Variants in AGMO observed in about 807,000 individuals in gnomAD.
The protein encoded by AGMO is glyceryl-ether monooxygenase.
In AGMO, 75 loss-of-function variants were observed where a neutral mutation model predicts 60.2. The observed-to-expected ratio is 1.25, with a 90% CI of 1.03 to 1.51. The LOEUF is 1.51. Ranked by LOEUF, AGMO falls within the 40% of genes most tolerant of loss-of-function variation. AGMO has a pLI of 0.00. For missense variants in AGMO, 763 were observed against 525.5 expected, an observed-to-expected ratio of 1.45 and a Z score of -4.42; for synonymous variants, 261 against 177.1, an observed-to-expected ratio of 1.47 and a Z score of -3.76.
the AGMO span, among the ~76,000 whole-genome samples, chr7:15,172,505 T>A: frequency 9.9e-5 from 15 of 152,276 alleles, no homozygotes; most frequent in African/African-American, 3.6e-4. Flanking sequence ...GACTAAAGCA[T>A]CAACACTTAA....
At chr7:15,209,641 T>G (rs1033832229) in intron 12 of AGMO, among the ~76,000 whole-genome samples, 1 of 152,154 alleles carries the variant, frequency 6.6e-6, no homozygotes, top group African/African-American at 2.4e-5. Context: ...GAGATGGGAC[T>G]GCACAAATGG....
chr7:15,439,822 T>C (rs2128501492), intron 3 of AGMO, among the ~76,000 whole-genome samples: 1 of 152,276 alleles, frequency 6.6e-6, no homozygotes, highest in African/African-American at 2.4e-5. Flanking sequence ...GTGTGAAACA[T>C]GCCAGATCAA....
intron 12 of AGMO, among the ~76,000 whole-genome samples, chr7:15,273,531 A>G (rs973276540): frequency 6.6e-6 from 1 of 152,096 alleles, no homozygotes; most frequent in African/African-American, 2.4e-5. Context: ...GTAGCCTTGT[A>G]GTATAGTTTG....
At chr7:15,511,740 G>A (rs1783679012) in intron 3 of AGMO, among the ~76,000 whole-genome samples, 1 of 152,160 alleles carries the variant, frequency 6.6e-6, no homozygotes, top group South Asian at 2.1e-4. Context: ...CATGGAACAT[G>A]TTGAATATAT....
chr7:15,480,823 A>T (rs989935186), intron 3 of AGMO, among the ~76,000 whole-genome samples: 1 of 152,098 alleles, frequency 6.6e-6, no homozygotes, highest in South Asian at 2.1e-4. Context: ...GCCTAGTCAA[A>T]CACCACCTAA....
intron 12 of AGMO, among the ~76,000 whole-genome samples, chr7:15,326,885 GAAAAGA>G (rs1781353539): frequency 6.6e-6 from 1 of 152,102 alleles, no homozygotes; most frequent in African/African-American, 2.4e-5. Context: ...AATTATCTTG[GAAAAGA>G]TTACCAAACT....
At chr7:15,430,714 C>A (rs1449665976) in intron 4 of AGMO, among the ~76,000 whole-genome samples, 1 of 150,640 alleles carries the variant, frequency 6.6e-6, no homozygotes, top group South Asian at 2.1e-4. Context: ...CTATACATCA[C>A]CCTCCTGGGT....
chr7:15,151,291 TC>T, the AGMO span, among the ~76,000 whole-genome samples: 1 of 152,118 alleles, frequency 6.6e-6, no homozygotes, highest in Non-Finnish European at 1.5e-5. Flanking sequence ...GTTTCAGTGA[TC>T]TTTTGTATGG....
intron 12 of AGMO, among the ~76,000 whole-genome samples, chr7:15,363,481 G>T (rs918444399): frequency 1.3e-5 from 2 of 152,116 alleles, no homozygotes; most frequent in African/African-American, 4.8e-5. Context: ...GACGAGCAAA[G>T]CAAGACCAAG....
At chr7:15,156,215 T>C in the AGMO span, among the ~76,000 whole-genome samples, 2 of 152,274 alleles carry the variant, frequency 1.3e-5, no homozygotes, top group African/African-American at 4.8e-5. Context: ...TTGGTGAGTA[T>C]GCACTGGCAG....
chr7:15,357,376 T>G (rs946267144), intron 12 of AGMO, among the ~76,000 whole-genome samples: 14 of 152,172 alleles, frequency 9.2e-5, no homozygotes, highest in Non-Finnish European at 1.8e-4. Context: ...AAACATTCTG[T>G]GATGACAATA....
At chr7:15,441,372 A>C (rs1444204255) in intron 3 of AGMO, among the ~76,000 whole-genome samples, 1 of 152,362 alleles carries the variant, frequency 6.6e-6, no homozygotes. Flanking sequence ...TACTTAATGA[A>C]ATCGAATTCT....
chr7:15,238,639 G>A (rs902716137), intron 12 of AGMO, among the ~76,000 whole-genome samples: 1 of 151,170 alleles, frequency 6.6e-6, no homozygotes, highest in Admixed American at 6.6e-5. Flanking sequence ...AAACACAAAG[G>A]CAAAAAGGAT....
At chr7:15,415,780 C>T (rs10479951) in intron 5 of AGMO, among the ~76,000 whole-genome samples, 10 of 151,988 alleles carry the variant, frequency 6.6e-5, no homozygotes, top group African/African-American at 2.4e-4. Flanking sequence ...TACTTAAAAC[C>T]TTCCACAGTT....
chr7:15,247,622 T>G (rs1782787541), intron 12 of AGMO, among the ~76,000 whole-genome samples: 1 of 152,102 alleles, frequency 6.6e-6, no homozygotes. Context: ...CCATTTCAAT[T>G]GCAATATGCT....
At chr7:15,164,206 G>A in the AGMO span, among the ~76,000 whole-genome samples, 1 of 151,874 alleles carries the variant, frequency 6.6e-6, no homozygotes, top group Non-Finnish European at 1.5e-5. Context: ...TGCAGAATGA[G>A]CTTGACCCCT....
At chr7:15,273,624 T>C (rs112589196) in intron 12 of AGMO, among the ~76,000 whole-genome samples, 189 of 152,288 alleles carry the variant, frequency 1.2e-3, no homozygotes, top group African/African-American at 3.9e-3. Flanking sequence ...TAGTTCCATA[T>C]GAACTTTAAA....
At chr7:15,240,563 A>T (rs991655462) in intron 12 of AGMO, among the ~76,000 whole-genome samples, 2 of 152,224 alleles carry the variant, frequency 1.3e-5, no homozygotes, top group Non-Finnish European at 2.9e-5. Flanking sequence ...TTACATGGAC[A>T]TAACTTAGTC....
intron 12 of AGMO, among the ~76,000 whole-genome samples, chr7:15,300,798 A>T (rs548658184): frequency 1.3e-5 from 2 of 152,196 alleles, no homozygotes; most frequent in Non-Finnish European, 2.9e-5. Context: ...TCCAAAAAAA[A>T]TGACACAAAT....
Sources: gnomAD v4.1 joint callset for allele counts (sites outside exome capture counted in the v4.1 genomes callset) on GRCh38, gnomAD v4.1.1 for gene constraint, MANE v1.5 for transcripts, NCBI Gene and HGNC (gene_info 2026-07-23, HGNC 2026-07-21) for gene names.